EYS: variants seen among roughly 807,000 people sequenced by gnomAD.
EYS encodes EGF-like photoreceptor maintenance factor, also known as protein eyes shut homolog.
EYS carries 250 observed loss-of-function variants against 282.1 expected under a neutral mutation model. That is an observed-to-expected ratio of 0.89 (90% CI 0.80 to 0.98). The LOEUF (loss-of-function observed/expected upper bound fraction) is 0.98. Among genes scored for constraint, EYS ranks in the 50% least tolerant of loss-of-function variants. The pLI, the probability that EYS is intolerant of heterozygous loss-of-function variation, is 0.00. For synonymous variants in EYS, 1,355 were observed against 1,282.9 expected, an observed-to-expected ratio of 1.06 and a Z score of -1.20; for missense variants, 4,016 against 3,709.0, an observed-to-expected ratio of 1.08 and a Z score of -2.15.
At chr6:65,598,234 A>T (rs796112299) in intron 2 of EYS, among the ~76,000 whole-genome samples, 5 of 11,828 alleles carry the variant, frequency 4.2e-4, no homozygotes, top group Admixed American at 8.6e-4. Context: ...CCTCCTCCCC[A>T]CCCACCCCCC....
At chr6:64,450,191 A>T (rs888888709) in intron 26 of EYS, among the ~76,000 whole-genome samples, 13 of 152,122 alleles carry the variant, frequency 8.5e-5, no homozygotes, top group Non-Finnish European at 1.9e-4. Flanking sequence ...GACAAAAAAA[A>T]GGCAGGGGTT....
intron 29 of EYS, among the ~76,000 whole-genome samples, chr6:64,314,185 A>T (rs1769840778): frequency 9.9e-6 from 1 of 100,644 alleles, no homozygotes; most frequent in Non-Finnish European, 2.1e-5. Context: ...TTACTAAACA[A>T]ATGGAAAGCA....
chr6:65,120,212 C>T (rs1291828856), intron 12 of EYS, among the ~76,000 whole-genome samples: 1 of 147,254 alleles, frequency 6.8e-6, no homozygotes, highest in Non-Finnish European at 1.5e-5. Flanking sequence ...ACTAAAAACA[C>T]AACACTCACA....
At chr6:64,521,593 T>G (rs1467366224) in intron 26 of EYS, among the ~76,000 whole-genome samples, 1 of 151,702 alleles carries the variant, frequency 6.6e-6, no homozygotes, top group African/African-American at 2.4e-5. Flanking sequence ...CACAAGTGCC[T>G]CATTGACAGA....
intron 12 of EYS, among the ~76,000 whole-genome samples, chr6:65,224,886 G>A (rs767607095): frequency 8.6e-5 from 13 of 151,974 alleles, no homozygotes; most frequent in South Asian, 4.1e-4. Flanking sequence ...AAATCTGTCC[G>A]GACTTACCAT....
At chr6:65,666,169 T>C (rs1393279937) in intron 1 of EYS, among the ~76,000 whole-genome samples, 1 of 151,876 alleles carries the variant, frequency 6.6e-6, no homozygotes, top group Non-Finnish European at 1.5e-5. Flanking sequence ...GATTCCATCA[T>C]ACTGAACCAG....
intron 29 of EYS, among the ~76,000 whole-genome samples, chr6:64,317,003 C>G (rs1164245041): frequency 6.6e-6 from 1 of 152,174 alleles, no homozygotes; most frequent in Non-Finnish European, 1.5e-5. Flanking sequence ...GGAAAACTGG[C>G]TGCCCATATG....
At position 64,483,688 on chromosome 6, in the gene EYS, T is replaced by G. The variant is rs1011721978; in HGVS notation, c.5645-44336A>C. Among the ~76,000 whole-genome samples, 102 of 151,726 alleles carry G rather than the reference T, an allele frequency of 6.7e-4. 1 individual carries two copies. Among genetic ancestry groups the G allele is most frequent in the Non-Finnish European group, 1.0e-4 (7 of 67,714 alleles). Reference sequence around the variant, plus strand: ...CAATAACCAGGTAAGTCTGATTCCCTGAATAGATATTTAGCAAGTCACTTG... The same window carrying G: ...CAATAACCAGGTAAGTCTGATTCCCGGAATAGATATTTAGCAAGTCACTTG... On this transcript the variant is annotated intron_variant, in intron 26 of 42. Coordinates refer to ENST00000503581, the MANE Select transcript of EYS (RefSeq NM_001142800.2).
At chr6:64,287,689 T>G (rs970793240) in intron 30 of EYS, among the ~76,000 whole-genome samples, 3 of 152,140 alleles carry the variant, frequency 2.0e-5, no homozygotes, top group Non-Finnish European at 4.4e-5. Context: ...TTAGAGTTCA[T>G]GTTGTGACAC....
intron 19 of EYS, among the ~76,000 whole-genome samples, chr6:64,835,282 G>A (rs895866159): frequency 4.0e-5 from 6 of 151,638 alleles, no homozygotes; most frequent in Non-Finnish European, 5.9e-5. Flanking sequence ...ATTAATTTGG[G>A]GTTGAGCAGA....
chr6:64,684,696 T>C (rs1048356755), intron 22 of EYS, among the ~76,000 whole-genome samples: 3 of 151,996 alleles, frequency 2.0e-5, no homozygotes, highest in Non-Finnish European at 4.4e-5. Flanking sequence ...TGACAAGTTT[T>C]TGACATTTTA....
At chr6:64,039,550 A>G (rs1276200770) in intron 33 of EYS, among the ~76,000 whole-genome samples, 3 of 152,208 alleles carry the variant, frequency 2.0e-5, no homozygotes, top group Admixed American at 2.0e-4. Context: ...CTGGCAAGAC[A>G]TTCTGGGTTT....
At chr6:63,843,120 A>G (rs576914985) in intron 36 of EYS, among the ~76,000 whole-genome samples, 4 of 152,316 alleles carry the variant, frequency 2.6e-5, no homozygotes, top group Admixed American at 6.5e-5. Flanking sequence ...TGAAATTTAA[A>G]GTAGGTTTTT....
At chr6:65,318,884 C>A (rs546119278) in intron 11 of EYS, among the ~76,000 whole-genome samples, 1 of 150,342 alleles carries the variant, frequency 6.7e-6, no homozygotes, top group South Asian at 2.1e-4. Flanking sequence ...TCAAGGGATC[C>A]ACCCGCCTTG....
chr6:63,982,909 C>T (rs1432329059), intron 35 of EYS, among the ~76,000 whole-genome samples: 1 of 151,844 alleles, frequency 6.6e-6, no homozygotes. Flanking sequence ...CAGACATTAA[C>T]ACAGTCAGTT....
At chr6:65,579,358 G>A (rs1383962230) in intron 2 of EYS, among the ~76,000 whole-genome samples, 5 of 152,066 alleles carry the variant, frequency 3.3e-5, no homozygotes, top group Admixed American at 3.3e-4. Context: ...TAAACAGTAT[G>A]CTGATATTTG....
rs116741865 is a variant in EYS at position 63,727,071 on chromosome 6, T to C, written c.8072-391A>G. ...TTGGAAGATAGAGGACAACACTTTA[T>C]AAGTTATTCTTCAGCCTCTATATTT... On this transcript the variant is annotated intron_variant, in intron 41 of 42. Coordinates refer to ENST00000503581, the MANE Select transcript of EYS (RefSeq NM_001142800.2). Among the ~76,000 whole-genome samples, 1,387 of 152,308 alleles carry C rather than the reference T, an allele frequency of 9.1e-3. 21 individuals are homozygous for C. The highest frequency in any genetic ancestry group is 0.031 in the African/African-American group (1,293 of 41,554).
intron 35 of EYS, among the ~76,000 whole-genome samples, chr6:63,871,346 G>A (rs1043198012): frequency 6.6e-6 from 1 of 152,004 alleles, no homozygotes; most frequent in Non-Finnish European, 1.5e-5. Context: ...GTAAACCCAG[G>A]GACAGAGTTT....
At chr6:65,167,621 T>A (rs1765005485) in intron 12 of EYS, among the ~76,000 whole-genome samples, 1 of 151,268 alleles carries the variant, frequency 6.6e-6, no homozygotes, top group Non-Finnish European at 1.5e-5. Flanking sequence ...TAAAGATAGA[T>A]AATTTCAATC....
Sources: gnomAD v4.1 joint callset for allele counts (sites outside exome capture counted in the v4.1 genomes callset) on GRCh38, gnomAD v4.1.1 for gene constraint, MANE v1.5 for transcripts, NCBI Gene and HGNC (gene_info 2026-07-23, HGNC 2026-07-21) for gene names.